Variants in PDE4D observed in about 807,000 individuals in gnomAD.
PDE4D encodes 3',5'-cyclic-AMP phosphodiesterase 4D.
Under a neutral mutation model 87.4 loss-of-function variants are expected in PDE4D, and 24 were observed. The observed-to-expected ratio is 0.27, with a 90% confidence interval of 0.20 to 0.39. The LOEUF is 0.39. Ranked by LOEUF, PDE4D falls within the 10% of genes least tolerant of loss-of-function variation. The pLI, the probability that PDE4D is intolerant of heterozygous loss-of-function variation, is 1.00. For synonymous variants in PDE4D, 384 were observed against 383.2 expected, an observed-to-expected ratio of 1.00 and a Z score of -0.02; for missense variants, 714 against 1,041.0, an observed-to-expected ratio of 0.69 and a Z score of 4.32.
At chr5:59,707,584 G>A (rs1753620180) in intron 1 of PDE4D, among the ~76,000 whole-genome samples, 1 of 152,136 alleles carries the variant, frequency 6.6e-6, no homozygotes, top group African/African-American at 2.4e-5. Flanking sequence ...GTGTGCCACA[G>A]TGGTTGCTGA....
At chr5:60,474,901 C>T (rs1012363268) in intron 1 of PDE4D, among the ~76,000 whole-genome samples, 1 of 152,110 alleles carries the variant, frequency 6.6e-6, no homozygotes, top group Admixed American at 6.6e-5. Flanking sequence ...CTGCTGGCAG[C>T]GAAAGGATGT....
intron 1 of PDE4D, among the ~76,000 whole-genome samples, chr5:59,759,763 T>C (rs1041690358): frequency 1.3e-5 from 2 of 152,174 alleles, no homozygotes; most frequent in African/African-American, 4.8e-5. Flanking sequence ...CACTTCCTGG[T>C]GTGCTTCTCA....
At chr5:60,487,193 A>C (rs960004764) in intron 1 of PDE4D, among the ~76,000 whole-genome samples, 1 of 152,240 alleles carries the variant, frequency 6.6e-6, no homozygotes, top group African/African-American at 2.4e-5. Context: ...CCCAGCAATC[A>C]TACAAACCTA....
At chr5:59,649,089 T>A (rs766982303) in intron 1 of PDE4D, among the ~76,000 whole-genome samples, 17 of 152,196 alleles carry the variant, frequency 1.1e-4, no homozygotes, top group Non-Finnish European at 2.2e-4. Context: ...TGTGACCACA[T>A]AGGGCACAAC....
At chr5:59,256,931 C>T (rs1169823282) in intron 1 of PDE4D, among the ~76,000 whole-genome samples, 2 of 151,970 alleles carry the variant, frequency 1.3e-5, no homozygotes, top group East Asian at 1.9e-4. Context: ...CAAGTAGCTT[C>T]TCTTTGTATC....
intron 1 of PDE4D, among the ~76,000 whole-genome samples, chr5:60,186,878 G>A (rs1188649097): frequency 1.3e-5 from 2 of 152,136 alleles, no homozygotes; most frequent in African/African-American, 4.8e-5. Context: ...AAGCAGAGAA[G>A]CCTGCAAGGA....
chr5:59,249,292 A>G (rs1759459778), intron 1 of PDE4D, among the ~76,000 whole-genome samples: 1 of 152,174 alleles, frequency 6.6e-6, no homozygotes, highest in Admixed American at 6.6e-5. Context: ...ATGTGGATAA[A>G]GATTTTTTTT....
chr5:60,090,931 T>TAC (rs1038631229), intron 2 of PDE4D, among the ~76,000 whole-genome samples: 2 of 151,946 alleles, frequency 1.3e-5, no homozygotes, highest in East Asian at 1.9e-4. Flanking sequence ...TTACAATACT[T>TAC]ACACACACAC....
intron 1 of PDE4D, among the ~76,000 whole-genome samples, chr5:60,471,869 A>C (rs2083507561): frequency 6.6e-6 from 1 of 152,136 alleles, no homozygotes; most frequent in South Asian, 2.1e-4. Context: ...AGTGGTCTGA[A>C]ACTGAACCCA....
At chr5:59,585,088 G>A (rs1393124546) in intron 1 of PDE4D, among the ~76,000 whole-genome samples, 3 of 152,130 alleles carry the variant, frequency 2.0e-5, no homozygotes, top group South Asian at 4.1e-4. Context: ...AGGTTTGCAG[G>A]CATGTCACCC....
intron 1 of PDE4D, among the ~76,000 whole-genome samples, chr5:60,341,020 T>A (rs1758268028): frequency 6.6e-6 from 1 of 152,250 alleles, no homozygotes; most frequent in African/African-American, 2.4e-5. Context: ...AGAGCCATGC[T>A]GGCCAAAAGT....
intron 3 of PDE4D, among the ~76,000 whole-genome samples, chr5:59,975,790 T>G (rs954632870): frequency 1.3e-5 from 2 of 152,232 alleles, no homozygotes; most frequent in Non-Finnish European, 2.9e-5. Flanking sequence ...TTTAGCTAAG[T>G]GCAGACACTC....
intron 1 of PDE4D, among the ~76,000 whole-genome samples, chr5:60,395,676 C>T (rs1254597619): frequency 2.0e-5 from 3 of 151,890 alleles, no homozygotes; most frequent in Non-Finnish European, 4.4e-5. Context: ...GCAAAGATTA[C>T]GCCTTTTATT....
At chr5:59,157,045 T>C (rs1471050880) in intron 5 of PDE4D, 4 of 305,912 alleles carry the variant, frequency 1.3e-5, no homozygotes, top group African/African-American at 6.6e-5. Flanking sequence ...TAAAGCCACA[T>C]GTATGTTGTT....
chr5:59,122,022 G>T (rs1395028022), intron 5 of PDE4D, among the ~76,000 whole-genome samples: 1 of 151,524 alleles, frequency 6.6e-6, no homozygotes, highest in Non-Finnish European at 1.5e-5. Flanking sequence ...CTCGCCTGTA[G>T]TCCCAGCTAC....
At chr5:60,352,888 T>C (rs144630174) in intron 1 of PDE4D, among the ~76,000 whole-genome samples, 99 of 152,310 alleles carry the variant, frequency 6.5e-4, no homozygotes, top group African/African-American at 2.3e-3. Flanking sequence ...CTCCCACAAA[T>C]GTCCATGAAA....
intron 1 of PDE4D, among the ~76,000 whole-genome samples, chr5:60,457,868 C>T (rs1268069502): frequency 6.6e-6 from 1 of 152,206 alleles, no homozygotes; most frequent in African/African-American, 2.4e-5. Context: ...TTGATGTGAG[C>T]ACTTGTGGCA....
Position 59,324,558 on chromosome 5 carries a change from A to C in PDE4D, c.456-108590T>G, listed in dbSNP as rs1422783504. On this transcript the variant is annotated intron_variant, in intron 1 of 14. Transcript: ENST00000340635. ...ATGATTTTTTTTCTTTCTTAAAAGA[A>C]GACGTAAAAAGAAGATCCTCTTTTC... Among the ~76,000 whole-genome samples, 5 of 152,284 alleles carry C rather than the reference A, an allele frequency of 3.3e-5. No individual in the cohort carries two copies. In the East Asian group the frequency reaches 9.6e-4, roughly 29 times the overall value.
chr5:58,986,251 C>T (rs535906311), intron 11 of PDE4D, among the ~76,000 whole-genome samples: 4 of 152,318 alleles, frequency 2.6e-5, no homozygotes, highest in East Asian at 1.9e-4. Context: ...TTATCTTCTT[C>T]AGTTTCCTCC....
Sources: gnomAD v4.1 joint callset for allele counts (sites outside exome capture counted in the v4.1 genomes callset) on GRCh38, gnomAD v4.1.1 for gene constraint, MANE v1.5 for transcripts, NCBI Gene and HGNC (gene_info 2026-07-23, HGNC 2026-07-21) for gene names.